The following HMOX2 variants were observed in gnomAD, a reference collection of about 807,000 sequenced individuals.
HMOX2 encodes the protein heme oxygenase (decycling) 2.
HMOX2 carries 30 observed loss-of-function variants against 33.7 expected under a neutral mutation model. That is an observed-to-expected ratio of 0.89 (90% CI 0.67 to 1.21). The LOEUF (loss-of-function observed/expected upper bound fraction) is 1.21, where lower values mean the gene tolerates loss of function less well. HMOX2 is among the 50% of genes most tolerant of loss of function. The pLI, the probability that HMOX2 is intolerant of heterozygous loss-of-function variation, is 0.00. For synonymous variants in HMOX2, 155 were observed against 155.0 expected (o/e 1.00, Z 0.00); for missense variants, 403 against 399.1 (o/e 1.01, Z -0.08).
At chr16:4,486,384 A>G (rs2058168218) in intron 1 of HMOX2, among the ~76,000 whole-genome samples, 1 of 152,182 alleles carries the variant, frequency 6.6e-6, no homozygotes, top group Admixed American at 6.6e-5. Context: ...CTGAGGCCAC[A>G]GCAACTTAAC....
At chr16:4,506,823 TTCTC>T (rs1210804746) in intron 2 of HMOX2, 68 bp from the exon 3 acceptor site, 46 of 1,142,368 alleles carry the variant, frequency 4.0e-5, no homozygotes, top group South Asian at 1.5e-4. Flanking sequence ...GGACTCAATC[TTCTC>T]TCTATGGTCC....
chr16:4,484,842 A>G lies in HMOX2; in HGVS notation c.-42+8355A>G, dbSNP rs2058126775. ...TGTATTCTTTAAATCATCTGTATTTATAATACCCAATACAGTGCTATGTAA... is the reference window on the plus strand; with the variant it reads ...TGTATTCTTTAAATCATCTGTATTTGTAATACCCAATACAGTGCTATGTAA... On this transcript the variant is annotated intron_variant, in intron 1 of 5. Coordinates refer to ENST00000570646, the MANE Select transcript of HMOX2 (RefSeq NM_002134.4). 2.0e-5 allele frequency among the ~76,000 whole-genome samples: 3 copies of G among 152,334 alleles called. No individual in the cohort carries two copies. The South Asian group carries it at 6.2e-4, about 32-fold the overall frequency.
At chr16:4,493,879 A>G (rs1298008709) in intron 1 of HMOX2, among the ~76,000 whole-genome samples, 2 of 152,240 alleles carry the variant, frequency 1.3e-5, no homozygotes, top group East Asian at 1.9e-4. Flanking sequence ...TTATCATATA[A>G]TACATACAGA....
At chr16:4,487,876 G>A (rs946049819) in intron 1 of HMOX2, among the ~76,000 whole-genome samples, 33 of 151,724 alleles carry the variant, frequency 2.2e-4, no homozygotes, top group Admixed American at 2.0e-3. Flanking sequence ...GCTTGAACCC[G>A]GGAGGCGGAG....
At chr16:4,476,849 C>T (rs934672741) in intron 1 of HMOX2, among the ~76,000 whole-genome samples, 2 of 152,202 alleles carry the variant, frequency 1.3e-5, no homozygotes, top group African/African-American at 4.8e-5. Context: ...AGGTGACCCC[C>T]GGGGTCGTAG....
At chr16:4,476,812 C>T (rs2057859957) in intron 1 of HMOX2, 1 of 152,276 alleles carries the variant, frequency 6.6e-6, no homozygotes, top group African/African-American at 2.4e-5. Flanking sequence ...GGCCCACCCT[C>T]TCCCAGCGTC....
chr16:4,501,950 C>T (rs368403579), intron 1 of HMOX2, among the ~76,000 whole-genome samples: 1 of 152,298 alleles, frequency 6.6e-6, no homozygotes, highest in South Asian at 2.1e-4. Context: ...GTAGTTGGTA[C>T]TTTCAGCCCG....
intron 4 of HMOX2, 113 bp from the exon 5 acceptor site, chr16:4,509,299 A>G (rs568244143): frequency 5.2e-5 from 71 of 1,378,460 alleles, no homozygotes; most frequent in Non-Finnish European, 5.8e-5. Context: ...AGCCATGTTC[A>G]TAACACTGCA....
intron 2 of HMOX2, among the ~76,000 whole-genome samples, chr16:4,506,200 C>G (rs1158684862): frequency 1.3e-5 from 2 of 152,214 alleles, no homozygotes; most frequent in African/African-American, 4.8e-5. Context: ...TTTTCTCACT[C>G]TTGTAGATGG....
intron 1 of HMOX2, among the ~76,000 whole-genome samples, chr16:4,491,449 A>ACACT (rs1248549844): frequency 6.6e-6 from 1 of 152,104 alleles, no homozygotes; most frequent in Non-Finnish European, 1.5e-5. Context: ...CAGGAGTTCA[A>ACACT]CACTCGCCTG....
At chr16:4,480,333 C>G (rs1485659912) in intron 1 of HMOX2, among the ~76,000 whole-genome samples, 1 of 148,344 alleles carries the variant, frequency 6.7e-6, no homozygotes, top group African/African-American at 2.5e-5. Context: ...CAGGCGTGAG[C>G]CACAGCACCC....
chr16:4,503,615 T>C (rs776734003), intron 1 of HMOX2, among the ~76,000 whole-genome samples: 14 of 152,348 alleles, frequency 9.2e-5, no homozygotes, highest in Middle Eastern at 3.4e-3. Flanking sequence ...TATCACATGG[T>C]AGGCATTGTG....
chr16:4,483,973 ATTT>A (rs34376283), intron 1 of HMOX2, among the ~76,000 whole-genome samples: 1 of 124,670 alleles, frequency 8.0e-6, no homozygotes, highest in Non-Finnish European at 1.6e-5. Context: ...ATGCCCAAAA[ATTT>A]TTTTTTTTTT....
chr16:4,509,883 A>T lies in HMOX2; in HGVS notation c.*127A>T. ...AATGCTGGGTTTAAGAAAGGCAACC[A>T]ATAAAAGCCAGATGCTAGAGCCTCT... On this transcript the variant is annotated 3_prime_UTR_variant, in exon 6 of 6. Coordinates refer to ENST00000570646, the MANE Select transcript of HMOX2 (RefSeq NM_002134.4). The T allele has an allele frequency of 9.5e-7, 1 of 1,054,542 alleles. No individual in the cohort carries two copies. Among genetic ancestry groups the T allele is most frequent in the African/African-American group, 1.6e-5 (1 of 62,676 alleles). 65.3% of individuals were successfully genotyped at this position (1,054,542 alleles called of 1,614,324 possible).
At chr16:4,494,039 C>G (rs983843020) in intron 1 of HMOX2, among the ~76,000 whole-genome samples, 1 of 152,060 alleles carries the variant, frequency 6.6e-6, no homozygotes, top group Non-Finnish European at 1.5e-5. Flanking sequence ...GCTGTCGGGC[C>G]GGCACTGTGG....
rs2058742744 is a variant in HMOX2 at position 4,508,131 on chromosome 16, C to G, written c.623C>G (p.Ala208Gly). 1 of 1,613,880 alleles carries G rather than the reference C, an allele frequency of 6.2e-7. No individual in the cohort carries two copies. Among genetic ancestry groups the G allele is most frequent in the Non-Finnish European group, 8.5e-7 (1 of 1,179,962 alleles). Reference protein sequence around the residue: ...FKQLYRARMNALDLNMKTKER... With the variant: ...FKQLYRARMNGLDLNMKTKER... ...CAGCTCTACCGGGCCAGGATGAACG[C>G]CCTGGACCTGAACATGAAGACCAAA... The change falls in exon 4 of 6, where the codon GCC becomes GGC. Residue 208 changes from alanine (A) to glycine (G), a missense_variant. Transcript: ENST00000570646.
At chr16:4,493,198 C>A (rs1324099942) in intron 1 of HMOX2, among the ~76,000 whole-genome samples, 2 of 152,008 alleles carry the variant, frequency 1.3e-5, no homozygotes, top group Non-Finnish European at 2.9e-5. Flanking sequence ...TCCCTCCACC[C>A]CCGTCTGCCT....
At position 4,489,611 on chromosome 16, in the gene HMOX2, AC is replaced by A. The variant is rs542284925; in HGVS notation, c.-42+13126del. Among the ~76,000 whole-genome samples, 24 of 152,206 alleles carry A rather than the reference AC, an allele frequency of 1.6e-4. No homozygotes were observed. In the South Asian group the frequency reaches 5.0e-3, roughly 32 times the overall value. On this transcript the variant is annotated intron_variant, in intron 1 of 5. Transcript: ENST00000570646. ...GTAGCTGGGACTACAGGCATGTGCCACCATGCTTGGCTAAGTTTTGTATTTT... is the reference window on the plus strand; with the variant it reads ...GTAGCTGGGACTACAGGCATGTGCCACATGCTTGGCTAAGTTTTGTATTTT...
At chr16:4,481,236 C>T (rs553523647) in intron 1 of HMOX2, among the ~76,000 whole-genome samples, 15 of 151,352 alleles carry the variant, frequency 9.9e-5, no homozygotes, top group African/African-American at 3.6e-4. Context: ...GTAGTCCCGG[C>T]TACTCGGGAG....
Sources: gnomAD v4.1 joint callset for allele counts (sites outside exome capture counted in the v4.1 genomes callset) on GRCh38, gnomAD v4.1.1 for gene constraint, MANE v1.5 for transcripts, NCBI Gene and HGNC (gene_info 2026-07-23, HGNC 2026-07-21) for gene names.